The following ZNRF1 variants were observed in gnomAD, a reference collection of about 807,000 sequenced individuals.
ZNRF1 encodes the protein E3 ubiquitin-protein ligase ZNRF1.
A neutral mutation model predicts 18.4 loss-of-function variants in ZNRF1; 3 were observed. The ratio of observed to expected loss-of-function variants is 0.16; its 90% CI spans 0.07 to 0.42. ZNRF1 has a LOEUF of 0.42. Among genes scored for constraint, ZNRF1 ranks in the 10% least tolerant of loss-of-function variants. ZNRF1 has a pLI of 0.99. For missense variants in ZNRF1, 310 were observed against 329.8 expected, an observed-to-expected ratio of 0.94 and a Z score of 0.47; for synonymous variants, 157 against 144.2, an observed-to-expected ratio of 1.09 and a Z score of -0.64.
rs369317190 is a variant in ZNRF1, at chr16:75,019,526, C to T, written c.424+19431C>T. On this transcript the variant is annotated intron_variant, in intron 1 of 4. Coordinates refer to ENST00000335325, the MANE Select transcript of ZNRF1 (RefSeq NM_032268.5). ...TATACTTAATTTGTGGCATACTACA[C>T]AGTCAGTTTTCATAAATATTTCATT... is the stretch of plus-strand genomic sequence containing the variant. 1.1e-4 allele frequency among the ~76,000 whole-genome samples: 17 copies of T among 152,224 alleles called. 2 individuals are homozygous for T. The highest frequency in any genetic ancestry group is 1.0e-3 in the South Asian group (5 of 4,818).
At chr16:75,031,848 G>GTCAA (rs1000018126) in intron 1 of ZNRF1, among the ~76,000 whole-genome samples, 1 of 151,874 alleles carries the variant, frequency 6.6e-6, no homozygotes, top group African/African-American at 2.4e-5. Flanking sequence ...ACTGTGTCGA[G>GTCAA]TCAATTCTGC....
intron 1 of ZNRF1, among the ~76,000 whole-genome samples, chr16:75,001,559 A>T (rs2034849708): frequency 1.3e-5 from 2 of 152,188 alleles, no homozygotes; most frequent in African/African-American, 4.8e-5. Context: ...GGCATTTTGA[A>T]ATTAATAATT....
At chr16:75,002,940 C>G (rs1335657176) in intron 1 of ZNRF1, among the ~76,000 whole-genome samples, 2 of 152,204 alleles carry the variant, frequency 1.3e-5, no homozygotes, top group Non-Finnish European at 2.9e-5. Flanking sequence ...TCTCCAGTCA[C>G]TCACCTGTTA....
chr16:75,076,102 C>T (rs1228811666), intron 1 of ZNRF1, among the ~76,000 whole-genome samples: 1 of 152,170 alleles, frequency 6.6e-6, no homozygotes, highest in Non-Finnish European at 1.5e-5. Context: ...CCCTGGAGGG[C>T]CTGATTCAGT....
At chr16:75,097,704 C>T (rs1008452916) in intron 2 of ZNRF1, among the ~76,000 whole-genome samples, 1 of 152,198 alleles carries the variant, frequency 6.6e-6, no homozygotes, top group Admixed American at 6.5e-5. Flanking sequence ...GTAGTTCCAA[C>T]TTCTCAGGAG....
chr16:74,999,580 C>A lies in ZNRF1; in HGVS notation c.-92C>A. On this transcript the variant is annotated 5_prime_UTR_variant, in exon 1 of 5. Transcript: ENST00000335325. ...CCGGGTCTCCTTTTTGACTCCCTCCCCCTTTATGCTCGCCCAGCCCTCCCC... is the reference window on the plus strand; with the variant it reads ...CCGGGTCTCCTTTTTGACTCCCTCCACCTTTATGCTCGCCCAGCCCTCCCC... 1.0e-6 allele frequency: 1 copy of A among 961,806 alleles called. No individual in the cohort carries two copies. The highest frequency in any genetic ancestry group is 3.3e-5 in the East Asian group (1 of 30,308). The allele number at this position is 961,806 out of a possible 1,614,324, so 59.6% of individuals were successfully genotyped here.
chr16:75,010,973 T>G (rs147435429), intron 1 of ZNRF1, among the ~76,000 whole-genome samples: 2,661 of 152,264 alleles, frequency 0.017, 78 homozygotes, highest in African/African-American at 0.06. Context: ...CCTCCCAGAG[T>G]GCTGGGATTG....
intron 1 of ZNRF1, among the ~76,000 whole-genome samples, chr16:75,036,124 C>G (rs986269514): frequency 5.3e-5 from 8 of 152,066 alleles, no homozygotes; most frequent in African/African-American, 1.9e-4. Flanking sequence ...TACTAGCTAC[C>G]TCCTATAACA....
intron 1 of ZNRF1, among the ~76,000 whole-genome samples, chr16:75,038,977 ATCT>A (rs369376757): frequency 1.3e-5 from 2 of 152,134 alleles, no homozygotes; most frequent in African/African-American, 4.8e-5. Context: ...TAAGAACCAT[ATCT>A]TCTTCTGTGT....
At chr16:75,009,750 A>G (rs1055230859) in intron 1 of ZNRF1, among the ~76,000 whole-genome samples, 1 of 151,240 alleles carries the variant, frequency 6.6e-6, no homozygotes, top group African/African-American at 2.4e-5. Flanking sequence ...TTATATTCCT[A>G]CCAACAGTGC....
At position 75,027,828 on chromosome 16, in the gene ZNRF1, C is replaced by T. The variant is rs118132947; in HGVS notation, c.424+27733C>T. Reference sequence around the variant, plus strand: ...CATGATTACTAACCTTAAACAGGCCCCTAATGCTGTCTGGGAATCCTGCTG... The same window carrying T: ...CATGATTACTAACCTTAAACAGGCCTCTAATGCTGTCTGGGAATCCTGCTG... On this transcript the variant is annotated intron_variant, in intron 1 of 4. Coordinates refer to ENST00000335325, the MANE Select transcript of ZNRF1 (RefSeq NM_032268.5). Among the ~76,000 whole-genome samples, 31 of 152,288 alleles carry T rather than the reference C, an allele frequency of 2.0e-4. No homozygotes were observed. The East Asian group carries it at 5.8e-3, about 28-fold the overall frequency.
intron 1 of ZNRF1, among the ~76,000 whole-genome samples, chr16:75,004,640 G>T (rs943505316): frequency 2.0e-5 from 3 of 152,136 alleles, no homozygotes; most frequent in Admixed American, 1.3e-4. Flanking sequence ...TTGAGACAGG[G>T]TCTTGCTCTG....
intron 4 of ZNRF1, 137 bp from the exon 5 acceptor site, chr16:75,107,596 C>G (rs189197552): frequency 2.8e-4 from 116 of 407,346 alleles, no homozygotes; most frequent in African/African-American, 1.4e-3. Context: ...GCTGCAAATT[C>G]CCCGTGTGCT....
At chr16:75,082,812 C>G (rs1008883496) in intron 1 of ZNRF1, among the ~76,000 whole-genome samples, 1 of 152,180 alleles carries the variant, frequency 6.6e-6, no homozygotes, top group South Asian at 2.1e-4. Context: ...CCTTGGCCTC[C>G]TAAAGTGCTG....
intron 1 of ZNRF1, among the ~76,000 whole-genome samples, chr16:75,025,059 T>A (rs929113951): frequency 6.6e-6 from 1 of 152,092 alleles, no homozygotes; most frequent in African/African-American, 2.4e-5. Flanking sequence ...TATTATTTTA[T>A]TTAATTAATT....
chr16:75,025,694 TTC>T (rs1242942958), intron 1 of ZNRF1, among the ~76,000 whole-genome samples: 2 of 152,220 alleles, frequency 1.3e-5, no homozygotes, highest in Admixed American at 6.5e-5. Context: ...GAGCCCCACT[TTC>T]TCTTTCCCAG....
intron 1 of ZNRF1, among the ~76,000 whole-genome samples, chr16:75,066,176 C>A (rs909645427): frequency 6.6e-6 from 1 of 152,184 alleles, no homozygotes; most frequent in Non-Finnish European, 1.5e-5. Flanking sequence ...TAAACAGATA[C>A]TAATGTTTAA....
rs1334552920 is a variant in ZNRF1 at position 75,010,701 on chromosome 16, G to GTTTTTTTTTTTTTTTTTTTTT, written c.424+10615_424+10616insTTTTTTTTTTTTTTTTTTTTT. On this transcript the variant is annotated intron_variant, in intron 1 of 4. Transcript: ENST00000335325. The stretch of plus-strand genomic sequence containing the variant: ...AAATTAGTCACCTCTGTACTGTACT[G>GTTTTTTTTTTTTTTTTTTTTT]TTTTTTTTTGTTTTTTTGTTTTTTT... Among the ~76,000 whole-genome samples, 12 of 63,810 alleles carry GTTTTTTTTTTTTTTTTTTTTT rather than the reference G, an allele frequency of 1.9e-4. 1 individual carries two copies. The highest frequency in any genetic ancestry group is 3.6e-4 in the African/African-American group (8 of 22,328). 41.9% of individuals were successfully genotyped at this position (63,810 alleles called of 152,430 possible).
At chr16:75,085,821 A>AGT (rs369370172) in intron 1 of ZNRF1, among the ~76,000 whole-genome samples, 3,672 of 146,252 alleles carry the variant, frequency 0.025, 120 homozygotes, top group African/African-American at 0.078. Flanking sequence ...AGAGAGAGTG[A>AGT]GTGTGTGTGT....
Sources: allele counts gnomAD v4.1 joint callset (sites outside exome capture counted in the v4.1 genomes callset), GRCh38; gene constraint gnomAD v4.1.1; transcripts MANE v1.5; gene names NCBI Gene and HGNC (gene_info 2026-07-23, HGNC 2026-07-21).